Variants in FAT1 observed in about 807,000 individuals in gnomAD.
FAT1 encodes protocadherin Fat 1.
In FAT1, 171 loss-of-function variants were observed where a neutral mutation model predicts 329.8. That is an observed-to-expected ratio of 0.52 (90% confidence interval 0.46 to 0.59). FAT1 has a LOEUF of 0.59. FAT1 is among the 20% of genes least tolerant of loss of function. The pLI, the probability that FAT1 is intolerant of heterozygous loss-of-function variation, is 0.00. For missense variants in FAT1, 5,672 were observed against 5,774.4 expected (o/e 0.98, Z 0.57); for synonymous variants, 2,233 against 2,228.6 (o/e 1.00, Z -0.06).
chr4:186,596,866 G>A lies in FAT1; in HGVS notation c.12674C>T (p.Thr4225Met), dbSNP rs755404071. The A allele has an allele frequency of 1.1e-5, 18 of 1,613,982 alleles. No individual in the cohort carries two copies. Among genetic ancestry groups the A allele is most frequent in the East Asian group, 2.2e-5 (1 of 44,882 alleles). The part of the protein sequence containing the change: ...EPKDKHLGPA[T>M]AFLQRPYFDS... ...AAAATACGGTCTTTGCAAGAAAGCCGTAGCGGGTCCCAGGTGCTTGTCTTT... is the reference window on the plus strand; with the variant it reads ...AAAATACGGTCTTTGCAAGAAAGCCATAGCGGGTCCCAGGTGCTTGTCTTT... The change falls in exon 25 of 27, where the codon ACG becomes ATG. Residue 4225 changes from threonine (T) to methionine (M), a missense_variant. By Grantham distance (81) the Thr-to-Met change is moderately conservative (BLOSUM62 -1). Around this residue, in one of 2 missense-constraint regions of FAT1, gnomAD observed 1,706 missense variants for 1,859.1 expected, o/e 0.92. Coordinates refer to ENST00000441802, the MANE Select transcript of FAT1 (RefSeq NM_005245.4). This position sits in a 1 kb window ranked among gnomAD's most constrained non-coding sequence, Gnocchi z 4.7.
chr4:186,657,594 G>A (rs327074), intron 3 of FAT1, among the ~76,000 whole-genome samples: 6 of 151,918 alleles, frequency 3.9e-5, no homozygotes, highest in Admixed American at 6.6e-5. Context: ...AAAGCTATGT[G>A]AAAGCTTATC....
At chr4:186,633,449 T>C (rs1740681886) in intron 7 of FAT1, among the ~76,000 whole-genome samples, 1 of 152,216 alleles carries the variant, frequency 6.6e-6, no homozygotes, top group Non-Finnish European at 1.5e-5. Flanking sequence ...TTTGGTTTGG[T>C]TTTTGAAGTC....
At chr4:186,722,272 A>T (rs1208622289) in intron 1 of FAT1, among the ~76,000 whole-genome samples, 2 of 152,226 alleles carry the variant, frequency 1.3e-5, no homozygotes, top group Non-Finnish European at 2.9e-5. Flanking sequence ...TGATTTTATA[A>T]AGTCCTCTAA....
At position 186,611,747 on chromosome 4, in the gene FAT1, C is replaced by T. The variant is rs1739457759; in HGVS notation, c.9492G>A (p.Leu3164=). 1.9e-6 allele frequency: 3 copies of T among 1,580,902 alleles called. No homozygotes were observed. Among genetic ancestry groups the T allele is most frequent in the Non-Finnish European group, 2.6e-6 (3 of 1,162,282 alleles). Reference sequence around the variant, plus strand: ...AGAACTGCCCATCAGCAGAGTCAATCAGTGAGTATAAAATCTTCCGATTTA... The same window carrying T: ...AGAACTGCCCATCAGCAGAGTCAATTAGTGAGTATAAAATCTTCCGATTTA... ...AGLNRKILYS[L]IDSADGQFSI... The change falls in exon 14 of 27, where the codon CTG becomes CTA. Residue 3164 remains leucine (L), a synonymous_variant. Transcript: ENST00000441802.
intron 24 of FAT1, among the ~76,000 whole-genome samples, chr4:186,597,434 A>G (rs1187241739): frequency 6.6e-6 from 1 of 152,170 alleles, no homozygotes; most frequent in African/African-American, 2.4e-5. Context: ...TTTTCCTAGG[A>G]TCAACAGACT....
chr4:186,721,093 A>C (rs1442716519), intron 1 of FAT1, among the ~76,000 whole-genome samples: 2 of 152,254 alleles, frequency 1.3e-5, no homozygotes, highest in African/African-American at 4.8e-5. Context: ...TATTCTATGA[A>C]GGATACAGAT....
intron 6 of FAT1, among the ~76,000 whole-genome samples, chr4:186,634,629 G>A (rs1362069573): frequency 6.6e-6 from 1 of 151,734 alleles, no homozygotes; most frequent in Non-Finnish European, 1.5e-5. Flanking sequence ...AAACAGCGAT[G>A]GAAGATAGTC....
intron 17 of FAT1, among the ~76,000 whole-genome samples, chr4:186,605,242 G>C (rs1465818854): frequency 6.8e-6 from 1 of 146,870 alleles, no homozygotes; most frequent in Non-Finnish European, 1.5e-5. Context: ...AAAAGAGGAA[G>C]AGAGGAAGGA....
chr4:186,670,481 TACTC>T (rs769008208), intron 2 of FAT1, among the ~76,000 whole-genome samples: 4 of 152,076 alleles, frequency 2.6e-5, no homozygotes, highest in African/African-American at 9.7e-5. Flanking sequence ...ATGAAAACAA[TACTC>T]ACGGAAAAAG....
intron 3 of FAT1, among the ~76,000 whole-genome samples, chr4:186,659,081 A>C (rs954201107): frequency 2.0e-5 from 3 of 152,140 alleles, no homozygotes; most frequent in Non-Finnish European, 4.4e-5. Flanking sequence ...TTTTTACTGC[A>C]CCTTTTCTAC....
rs756941124 is a variant in FAT1 at position 186,613,360 on chromosome 4, TG to T, written c.9230-19del. 5 of 1,578,828 alleles carry T rather than the reference TG, an allele frequency of 3.2e-6. No homozygotes were observed. The highest frequency in any genetic ancestry group is 4.4e-6 in the Non-Finnish European group (5 of 1,148,024). On this transcript the variant is annotated intron_variant, in intron 12 of 26. Transcript: ENST00000441802. Reference sequence around the variant, plus strand: ...CAGTTCACCTACAAACAAAAACAAATGGACTCACTTGTAATTTAAGACGTGA... The same window carrying T: ...CAGTTCACCTACAAACAAAAACAAATGACTCACTTGTAATTTAAGACGTGA...
At chr4:186,701,262 ACC>A (rs1744296741) in intron 2 of FAT1, among the ~76,000 whole-genome samples, 2 of 152,146 alleles carry the variant, frequency 1.3e-5, no homozygotes, top group Admixed American at 6.5e-5. Flanking sequence ...AGAAATTGTT[ACC>A]ACGCCCTGCT....
At chr4:186,661,356 G>A (rs1560974296) in intron 3 of FAT1, among the ~76,000 whole-genome samples, 1 of 152,190 alleles carries the variant, frequency 6.6e-6, no homozygotes. Flanking sequence ...AGGCGGAAAC[G>A]CTGCAGACAG....
intron 9 of FAT1, among the ~76,000 whole-genome samples, chr4:186,623,508 T>G (rs1321951601): frequency 9.9e-5 from 15 of 152,244 alleles, no homozygotes; most frequent in Admixed American, 9.8e-4. Flanking sequence ...TATTTTATAT[T>G]CATTCTTCTA....
chr4:186,706,905 C>T lies in FAT1; in HGVS notation c.2923G>A (p.Asp975Asn), dbSNP rs769733192. ...ACTGCTCCACTGAGTTTATCCACAT[C>T]GAAGTTTCCTTCTCCGTGGTCCAGA... ...SLLDHGEGNF[D>N]VDKLSGAVRI... Residue 975 changes from aspartate to asparagine, a missense_variant, in exon 2 of 27, where the codon GAT (aspartate) becomes AAT (asparagine). Transcript: ENST00000441802. The T allele has an allele frequency of 9.9e-6, 16 of 1,614,000 alleles. No individual in the cohort carries two copies. The highest frequency in any genetic ancestry group is 3.3e-5 in the South Asian group (3 of 91,072).
intron 26 of FAT1, chr4:186,590,688 A>G (rs1260059725): frequency 4.4e-6 from 2 of 456,088 alleles, no homozygotes; most frequent in Non-Finnish European, 8.8e-6. Flanking sequence ...GTTTCTGACA[A>G]TCACAGCCTG....
In FAT1 at chr4:186,672,400, G is replaced by A. The variant is rs182048468; in HGVS notation, c.3266-8787C>T. 3.5e-3 allele frequency among the ~76,000 whole-genome samples: 526 copies of A among 152,262 alleles called. 1 individual carries two copies. The highest frequency in any genetic ancestry group is 0.012 in the African/African-American group (483 of 41,548). On this transcript the variant is annotated intron_variant, in intron 2 of 26. Coordinates refer to ENST00000441802, the MANE Select transcript of FAT1 (RefSeq NM_005245.4). ...CTGCCCCCTTACAGATAAAAATACA[G>A]TAAATCATGTATAATTTCTTTCTCT...
intron 26 of FAT1, among the ~76,000 whole-genome samples, chr4:186,591,857 A>G (rs1738253389): frequency 6.6e-6 from 1 of 152,310 alleles, no homozygotes; most frequent in East Asian, 1.9e-4. Flanking sequence ...ATGTCCTAGC[A>G]TAAAGGATCC....
At chr4:186,640,188 A>G (rs1741028671) in intron 3 of FAT1, among the ~76,000 whole-genome samples, 1 of 152,184 alleles carries the variant, frequency 6.6e-6, no homozygotes, top group African/African-American at 2.4e-5. Flanking sequence ...TCTTCTCAAG[A>G]AAAAAAGAAG....
Sources: gnomAD v4.1 joint callset for allele counts (sites outside exome capture counted in the v4.1 genomes callset) on GRCh38, gnomAD v4.1.1 for gene constraint, gnomAD v4.1.1 regional missense constraint, Gnocchi (gnomAD v3.1) non-coding constraint, MANE v1.5 for transcripts, NCBI Gene and HGNC (gene_info 2026-07-23, HGNC 2026-07-21) for gene names.